ADAMTS14: variants seen among roughly 807,000 people sequenced by gnomAD.
ADAMTS14 encodes the protein ADAM metallopeptidase with thrombospondin type 1 motif 14.
A neutral mutation model predicts 128.6 loss-of-function variants in ADAMTS14; 100 were observed. That is an observed-to-expected ratio of 0.78 (90% CI 0.66 to 0.92). ADAMTS14 has a LOEUF of 0.92. ADAMTS14 is among the 40% of genes least tolerant of loss of function. The probability of loss-of-function intolerance (pLI) is 0.00; values close to 1 mark genes in which losing one functional copy is unlikely to be tolerated. For missense variants in ADAMTS14, 1,562 were observed against 1,658.6 expected (o/e 0.94, Z 1.01); for synonymous variants, 665 against 653.8 (o/e 1.02, Z -0.26).
At chr10:70,699,216 C>G (rs1213929476) in intron 2 of ADAMTS14, among the ~76,000 whole-genome samples, 3 of 152,150 alleles carry the variant, frequency 2.0e-5, no homozygotes, top group Non-Finnish European at 4.4e-5. Flanking sequence ...CACTTACTTG[C>G]TGGGTGACTT....
Position 70,735,207 on chromosome 10 carries a change from C to T in ADAMTS14, c.1391C>T (p.Ala464Val). ...CTCCTCGATGACCCCTTTGATCCTG[C>T]CTGGCCCCAGCCCCCAGAGCTGCCT... ...DCLLDDPFDP[A>V]WPQPPELPGI... The change falls in exon 9 of 22, where the codon GCC becomes GTC. Residue 464 changes from alanine (A) to valine (V), a missense_variant. By Grantham distance (64) the Ala-to-Val change is moderately conservative. Coordinates refer to ENST00000373207, the MANE Select transcript of ADAMTS14 (RefSeq NM_080722.4). 1 of 1,613,722 alleles carries T rather than the reference C, an allele frequency of 6.2e-7. No individual in the cohort carries two copies. Among genetic ancestry groups the T allele is most frequent in the Non-Finnish European group, 8.5e-7 (1 of 1,179,814 alleles).
At chr10:70,686,762 G>A (rs1214511410) in intron 2 of ADAMTS14, among the ~76,000 whole-genome samples, 20 of 54,874 alleles carry the variant, frequency 3.6e-4, no homozygotes, top group African/African-American at 1.1e-3. Flanking sequence ...CCACAAAGCC[G>A]CCATTGTCAT....
At chr10:70,757,523 A>G (rs1842504747) in intron 19 of ADAMTS14, among the ~76,000 whole-genome samples, 1 of 152,018 alleles carries the variant, frequency 6.6e-6, no homozygotes, top group African/African-American at 2.4e-5. Context: ...TCATCACATC[A>G]ATCCACCTGC....
chr10:70,720,449 C>T (rs1841219833), intron 4 of ADAMTS14, among the ~76,000 whole-genome samples: 1 of 152,176 alleles, frequency 6.6e-6, no homozygotes, highest in Non-Finnish European at 1.5e-5. Context: ...GGTATCTGAC[C>T]ATCATGGAGC....
chr10:70,759,980 G>A (rs959281112), intron 21 of ADAMTS14, among the ~76,000 whole-genome samples: 21 of 152,304 alleles, frequency 1.4e-4, no homozygotes, highest in African/African-American at 4.8e-4. Context: ...TCTCAGATGC[G>A]CCCACACGTG....
intron 2 of ADAMTS14, among the ~76,000 whole-genome samples, chr10:70,680,923 C>T (rs1212927127): frequency 1.3e-5 from 2 of 152,334 alleles, no homozygotes; most frequent in East Asian, 3.9e-4. Context: ...GCTGGGATTA[C>T]AGGCACCGCA....
chr10:70,760,213 C>A, intron 21 of ADAMTS14, 147 bp from the exon 22 acceptor site: 1 of 1,049,768 alleles, frequency 9.5e-7, no homozygotes, highest in Non-Finnish European at 1.3e-6. Flanking sequence ...GGCTCTGTAG[C>A]CCCCACCCTG....
intron 10 of ADAMTS14, among the ~76,000 whole-genome samples, chr10:70,737,380 G>C (rs1841860147): frequency 6.6e-6 from 1 of 152,222 alleles, no homozygotes; most frequent in African/African-American, 2.4e-5. Flanking sequence ...CTTGATCACT[G>C]TGGTGACCTT....
chr10:70,706,024 A>G (rs1443566011), intron 3 of ADAMTS14, among the ~76,000 whole-genome samples: 1 of 152,142 alleles, frequency 6.6e-6, no homozygotes, highest in African/African-American at 2.4e-5. Context: ...ACCATTTTAC[A>G]TTGGCTTGGG....
At chr10:70,715,146 A>G (rs1457275886) in intron 4 of ADAMTS14, among the ~76,000 whole-genome samples, 1 of 152,104 alleles carries the variant, frequency 6.6e-6, no homozygotes. Context: ...TGACCGTGAA[A>G]TTCCCTTAAG....
At chr10:70,734,745 G>T (rs118056179) in intron 8 of ADAMTS14, among the ~76,000 whole-genome samples, 2 of 152,222 alleles carry the variant, frequency 1.3e-5, no homozygotes, top group African/African-American at 4.8e-5. Context: ...CCCCGTACAG[G>T]AGCTGGCCAG....
At chr10:70,716,928 T>TATTC (rs2132635511) in intron 4 of ADAMTS14, among the ~76,000 whole-genome samples, 1 of 152,280 alleles carries the variant, frequency 6.6e-6, no homozygotes, top group Non-Finnish European at 1.5e-5. Context: ...GTGCTATGGA[T>TATTC]ATTCCTGCAG....
intron 15 of ADAMTS14, among the ~76,000 whole-genome samples, chr10:70,747,116 G>A (rs1391433439): frequency 6.6e-6 from 1 of 152,112 alleles, no homozygotes; most frequent in Non-Finnish European, 1.5e-5. Flanking sequence ...TACCTTCAAA[G>A]TTTCCTGGAT....
chr10:70,752,086 A>C lies in ADAMTS14; in HGVS notation c.2597-9A>C, dbSNP rs1589340451. 1 of 1,609,534 alleles carries C rather than the reference A, an allele frequency of 6.2e-7. No homozygotes were observed. On this transcript the variant is annotated splice_polypyrimidine_tract_variant and intron_variant, in intron 17 of 21. Coordinates refer to ENST00000373207, the MANE Select transcript of ADAMTS14 (RefSeq NM_080722.4). ...GGACTAGGCCCACGGCAGCCTGCCC[A>C]CCCCATAGGGATCCAGTTCACCAAA... is the stretch of plus-strand genomic sequence containing the variant.
intron 18 of ADAMTS14, among the ~76,000 whole-genome samples, chr10:70,752,840 G>A (rs1236961705): frequency 3.9e-5 from 6 of 152,178 alleles, no homozygotes; most frequent in Non-Finnish European, 8.8e-5. Context: ...ATTGGGGCAA[G>A]GGTGGGAACC....
At chr10:70,687,291 A>C (rs1334431597) in intron 2 of ADAMTS14, among the ~76,000 whole-genome samples, 44 of 69,260 alleles carry the variant, frequency 6.4e-4, no homozygotes, top group South Asian at 2.2e-3. Context: ...TGGGGCTGAC[A>C]CCCCCACCTC....
chr10:70,741,971 C>A (rs1402744231), intron 12 of ADAMTS14, among the ~76,000 whole-genome samples: 1 of 152,158 alleles, frequency 6.6e-6, no homozygotes, highest in African/African-American at 2.4e-5. Flanking sequence ...CTCCATCACA[C>A]AACTCTTGGC....
At position 70,760,341 on chromosome 10, in the gene ADAMTS14, C is replaced by T. The variant is rs1402680773; in HGVS notation, c.3179-19C>T. 5.2e-6 allele frequency: 8 copies of T among 1,530,074 alleles called. No homozygotes were observed. The highest frequency in any genetic ancestry group is 2.3e-5 in the East Asian group (1 of 44,038). 94.8% of individuals were successfully genotyped at this position (1,530,074 alleles called of 1,614,324 possible). On this transcript the variant is annotated intron_variant, in intron 21 of 21. Coordinates refer to ENST00000373207, the MANE Select transcript of ADAMTS14 (RefSeq NM_080722.4). ...ATCCCCACGTTGCTTCCATCCTTGT[C>T]CTTGTGCTGTGTGTGCAGCGGAGCC...
chr10:70,695,277 C>T (rs1312307852), intron 2 of ADAMTS14, among the ~76,000 whole-genome samples: 1 of 152,088 alleles, frequency 6.6e-6, no homozygotes, highest in East Asian at 1.9e-4. Flanking sequence ...GAGGAGAGGC[C>T]GGTCTCTCAT....
Sources: allele counts gnomAD v4.1 joint callset (sites outside exome capture counted in the v4.1 genomes callset), GRCh38; gene constraint gnomAD v4.1.1; transcripts MANE v1.5; gene names NCBI Gene and HGNC (gene_info 2026-07-23, HGNC 2026-07-21).